The following ZFYVE1 variants were observed in gnomAD, a reference collection of about 807,000 sequenced individuals.
The protein encoded by ZFYVE1 is zinc finger FYVE-type containing 1.
Under a neutral mutation model 74.4 loss-of-function variants are expected in ZFYVE1, and 30 were observed. The observed-to-expected ratio is 0.40, with a 90% confidence interval of 0.30 to 0.55. The LOEUF is 0.55. Among genes scored for constraint, ZFYVE1 ranks in the 20% least tolerant of loss-of-function variants. The pLI is 0.42. For missense variants in ZFYVE1, 703 were observed against 1,011.6 expected (o/e 0.69, Z 4.14); for synonymous variants, 335 against 385.1 (o/e 0.87, Z 1.52).
At chr14:72,992,151 C>T (rs1893627482) in intron 4 of ZFYVE1, among the ~76,000 whole-genome samples, 4 of 152,110 alleles carry the variant, frequency 2.6e-5, no homozygotes, top group Admixed American at 2.6e-4. Flanking sequence ...TCAAGTGATC[C>T]ACCCGCCTCG....
chr14:73,023,949 C>T (rs1042200261), intron 2 of ZFYVE1, 77 bp downstream of exon 2: 3 of 1,537,748 alleles, frequency 2.0e-6, no homozygotes, highest in Non-Finnish European at 2.6e-6. Flanking sequence ...TCTTCTTGGA[C>T]ATCGTTTTTT....
intron 4 of ZFYVE1, among the ~76,000 whole-genome samples, chr14:72,992,244 C>G (rs1893629797): frequency 6.6e-6 from 1 of 152,044 alleles, no homozygotes; most frequent in Admixed American, 6.6e-5. Flanking sequence ...AAAACAGGAC[C>G]CAGTCTCAGA....
At chr14:72,989,459 G>A (rs568031573) in intron 4 of ZFYVE1, among the ~76,000 whole-genome samples, 83 of 152,230 alleles carry the variant, frequency 5.5e-4, no homozygotes, top group African/African-American at 2.0e-3. Flanking sequence ...CTGAGGAGGG[G>A]GGAGGTAGGG....
chr14:72,969,561 A>G lies in ZFYVE1; in HGVS notation c.*1321T>C. Reference sequence around the variant, plus strand: ...GGAGCAGGGCTGAGAGGGACGACACACTCCAGGGCTCATGTCACACCGATA... The same window carrying G: ...GGAGCAGGGCTGAGAGGGACGACACGCTCCAGGGCTCATGTCACACCGATA... On this transcript the variant is annotated 3_prime_UTR_variant, in exon 12 of 12. Coordinates refer to ENST00000556143, the MANE Select transcript of ZFYVE1 (RefSeq NM_021260.4). 1.6e-6 allele frequency: 1 copy of G among 614,038 alleles called. No homozygotes were observed. The highest frequency in any genetic ancestry group is 2.9e-6 in the Non-Finnish European group (1 of 344,960). 38.0% of individuals were successfully genotyped at this position (614,038 alleles called of 1,614,324 possible).
chr14:73,024,638 A>T lies in ZFYVE1; in HGVS notation c.-130T>A, dbSNP rs1894417877. Reference sequence around the variant, plus strand: ...GGTTCTGAACACTTTAAAAAAGAACACCTTTCATGTCCTGTTATAGTTCTT... The same window carrying T: ...GGTTCTGAACACTTTAAAAAAGAACTCCTTTCATGTCCTGTTATAGTTCTT... On this transcript the variant is annotated 5_prime_UTR_variant, in exon 2 of 12. Coordinates refer to ENST00000556143, the MANE Select transcript of ZFYVE1 (RefSeq NM_021260.4). 7.7e-7 allele frequency: 1 copy of T among 1,295,056 alleles called. No individual in the cohort carries two copies. Among genetic ancestry groups the T allele is most frequent in the Middle Eastern group, 2.1e-4 (1 of 4,700 alleles). The allele number at this position is 1,295,056 out of a possible 1,614,324, so 80.2% of individuals were successfully genotyped here.
In ZFYVE1 at chr14:73,024,137, A is replaced by T; in HGVS notation, c.372T>A (p.Ser124Arg). The change falls in exon 2 of 12, where the codon AGT (serine) becomes AGA (arginine). Residue 124 changes from serine to arginine, a missense_variant. Ser to Arg is a moderately radical substitution (Grantham distance 110). This residue lies in a region of ZFYVE1 where 211 missense variants were observed against 221.7 expected (regional missense o/e 0.95). Transcript: ENST00000556143. ...RRHPVTVYNV[S>R]NLQESLEAEE... ...CTGCCTCCAGTGACTCCTGGAGATT[A>T]CTGACATTGTACACAGTAACAGGGT... 6.2e-7 allele frequency: 1 copy of T among 1,614,118 alleles called. No homozygotes were observed. Among genetic ancestry groups the T allele is most frequent in the Non-Finnish European group, 8.5e-7 (1 of 1,180,016 alleles).
Position 73,017,988 on chromosome 14 carries a change from T to C in ZFYVE1, c.483+6038A>G, listed in dbSNP as rs556633808. Among the ~76,000 whole-genome samples the C allele has an allele frequency of 2.8e-4, 42 of 152,274 alleles. 1 individual carries two copies. Among genetic ancestry groups the C allele is most frequent in the African/African-American group, 9.9e-4 (41 of 41,554 alleles). On this transcript the variant is annotated intron_variant, in intron 2 of 11. Transcript: ENST00000556143. ...GGCACCTGCTTCCCTCTGCACCTCT[T>C]CCCTTACCATTCTCTGCCAGCTCAC...
At position 72,973,231 on chromosome 14, in the gene ZFYVE1, G is replaced by A. The variant is rs187774806; in HGVS notation, c.2101+849C>T. 2.2e-3 allele frequency among the ~76,000 whole-genome samples: 324 copies of A among 150,588 alleles called. 1 individual carries two copies. Among genetic ancestry groups the A allele is most frequent in the African/African-American group, 7.5e-3 (307 of 41,140 alleles). On this transcript the variant is annotated intron_variant, in intron 11 of 11. Transcript: ENST00000556143. ...CAGCCAGGCACAGTGGCTCACGCCT[G>A]TAATCCCAGCACTTTGGGAGGCCAA...
rs184130839 is a variant in ZFYVE1, at chr14:73,002,487, G to A, written c.484-4172C>T. Reference sequence around the variant, plus strand: ...AGACGGAGTTTTTGCCTGTTGCCCAGGCTGGAGTGCAGTGGCATGATCTTG... The same window carrying A: ...AGACGGAGTTTTTGCCTGTTGCCCAAGCTGGAGTGCAGTGGCATGATCTTG... On this transcript the variant is annotated intron_variant, in intron 2 of 11. Transcript: ENST00000556143. Among the ~76,000 whole-genome samples, 333 of 151,922 alleles carry A rather than the reference G, an allele frequency of 2.2e-3. 3 individuals carry two copies. Among genetic ancestry groups the A allele is most frequent in the African/African-American group, 7.9e-3 (329 of 41,440 alleles).
intron 2 of ZFYVE1, among the ~76,000 whole-genome samples, chr14:73,004,031 C>A (rs1353369066): frequency 6.6e-6 from 1 of 152,186 alleles, no homozygotes; most frequent in Non-Finnish European, 1.5e-5. Flanking sequence ...CAGGGCTGAA[C>A]ACACAGCAGC....
At position 73,024,906 on chromosome 14, in the gene ZFYVE1, A is replaced by C. The variant is rs1439905858; in HGVS notation, c.-398T>G. ...AAAGAAAGTGGTCAGGAGCTTTTCA[A>C]TATAATTCGACCTGAAGTCAGTATT... On this transcript the variant is annotated 5_prime_UTR_variant, in exon 2 of 12. Coordinates refer to ENST00000556143, the MANE Select transcript of ZFYVE1 (RefSeq NM_021260.4). The C allele has an allele frequency of 6.1e-6, 1 of 163,232 alleles. No individual in the cohort carries two copies. The highest frequency in any genetic ancestry group is 6.3e-5 in the Admixed American group (1 of 15,844). 10.1% of individuals were successfully genotyped at this position (163,232 alleles called of 1,614,324 possible). A position where few individuals can be genotyped will look rare whatever the true frequency, so the allele number is the denominator to read the frequency against.
In ZFYVE1 at chr14:72,975,028, C is replaced by T; in HGVS notation, c.1807-69G>A. The T allele has an allele frequency of 6.7e-7, 1 of 1,501,202 alleles. No individual in the cohort carries two copies. Among genetic ancestry groups the T allele is most frequent in the Middle Eastern group, 1.8e-4 (1 of 5,626 alleles). The allele number at this position is 1,501,202 out of a possible 1,614,324, so 93.0% of individuals were successfully genotyped here. A position where few individuals can be genotyped will look rare whatever the true frequency, so the allele number is the denominator to read the frequency against. ...TACATGTCTGCTCAGCTGAGAAAGT[C>T]AACAAGACCCCGGAGCAAGCAGAAA... On this transcript the variant is annotated intron_variant, in intron 9 of 11. Coordinates refer to ENST00000556143, the MANE Select transcript of ZFYVE1 (RefSeq NM_021260.4). This position sits in a 1 kb window ranked among gnomAD's most constrained non-coding sequence, Gnocchi z 4.1.
At position 72,970,717 on chromosome 14, in the gene ZFYVE1, C is replaced by G; in HGVS notation, c.*165G>C. 1.3e-6 allele frequency: 1 copy of G among 741,140 alleles called. No homozygotes were observed. Among genetic ancestry groups the G allele is most frequent in the Non-Finnish European group, 2.2e-6 (1 of 454,938 alleles). 45.9% of individuals were successfully genotyped at this position (741,140 alleles called of 1,614,324 possible). On this transcript the variant is annotated 3_prime_UTR_variant, in exon 12 of 12. Transcript: ENST00000556143. ...CCCTGCCCTGAGGGGTCCACACCTTCGGGCCTGCCGCCAGGCTCACCCCCA... is the reference window on the plus strand; with the variant it reads ...CCCTGCCCTGAGGGGTCCACACCTTGGGGCCTGCCGCCAGGCTCACCCCCA...
At chr14:73,013,133 G>A (rs12878577) in intron 2 of ZFYVE1, among the ~76,000 whole-genome samples, 21 of 152,116 alleles carry the variant, frequency 1.4e-4, no homozygotes, top group Admixed American at 3.3e-4. Flanking sequence ...ATCAGGAAGG[G>A]ACCGAAAATT....
At chr14:72,989,445 C>A (rs1343474848) in intron 4 of ZFYVE1, among the ~76,000 whole-genome samples, 1 of 152,018 alleles carries the variant, frequency 6.6e-6, no homozygotes, top group Non-Finnish European at 1.5e-5. Context: ...GTTAGCTCTA[C>A]AGACTGAGGA....
chr14:72,997,074 T>C (rs1158015187), intron 3 of ZFYVE1, among the ~76,000 whole-genome samples: 1 of 152,158 alleles, frequency 6.6e-6, no homozygotes, highest in Non-Finnish European at 1.5e-5. Flanking sequence ...TGCGACCGTG[T>C]CCATATTGTC....
In ZFYVE1 at chr14:73,024,359, A is replaced by C. The variant is rs756850816; in HGVS notation, c.150T>G (p.His50Gln). Residue 50 changes from histidine to glutamine, a missense_variant, in exon 2 of 12, where the codon CAT becomes CAG. Around this residue, in one of 2 missense-constraint regions of ZFYVE1, gnomAD observed 211 missense variants for 221.7 expected, o/e 0.95. Coordinates refer to ENST00000556143, the MANE Select transcript of ZFYVE1 (RefSeq NM_021260.4). ...CATGGTTTCTCAGGCGCTCCTGCCGATGGAGCTCCTCCTCGCAGCGGAGAC... is the reference window on the plus strand; with the variant it reads ...CATGGTTTCTCAGGCGCTCCTGCCGCTGGAGCTCCTCCTCGCAGCGGAGAC... ...LQCLRCEEEL[H>Q]RQERLRNHER... The C allele has an allele frequency of 6.2e-7, 1 of 1,614,144 alleles. No individual in the cohort carries two copies. The highest frequency in any genetic ancestry group is 1.7e-5 in the Admixed American group (1 of 60,002).
chr14:73,025,396 T>TA (rs1894436884), intron 1 of ZFYVE1, among the ~76,000 whole-genome samples: 1 of 151,750 alleles, frequency 6.6e-6, no homozygotes, highest in African/African-American at 2.4e-5. Context: ...TCTTAACACT[T>TA]ACACTGGCTT....
intron 2 of ZFYVE1, among the ~76,000 whole-genome samples, chr14:73,004,094 C>A (rs1248609765): frequency 6.6e-6 from 1 of 152,194 alleles, no homozygotes; most frequent in Non-Finnish European, 1.5e-5. Context: ...CGGAGAGAAA[C>A]AAGAAGTTAC....
Sources: gnomAD v4.1 joint callset for allele counts (sites outside exome capture counted in the v4.1 genomes callset) on GRCh38, gnomAD v4.1.1 for gene constraint, gnomAD v4.1.1 regional missense constraint, Gnocchi (gnomAD v3.1) non-coding constraint, MANE v1.5 for transcripts, NCBI Gene and HGNC (gene_info 2026-07-23, HGNC 2026-07-21) for gene names.